The following GRK5 variants were observed in gnomAD, a reference collection of about 807,000 sequenced individuals.
The protein encoded by GRK5 is G protein-coupled receptor kinase 5, also known as g protein-coupled receptor kinase GRK5.
In GRK5, 40 loss-of-function variants were observed where a neutral mutation model predicts 78.4. The observed-to-expected ratio is 0.51, with a 90% CI of 0.40 to 0.66. The LOEUF (loss-of-function observed/expected upper bound fraction) is 0.66, where lower values mean the gene tolerates loss of function less well. GRK5 is among the 30% of genes least tolerant of loss of function. GRK5 has a pLI of 0.00. For missense variants in GRK5, 598 were observed against 759.9 expected (o/e 0.79, Z 2.50); for synonymous variants, 289 against 296.8 (o/e 0.97, Z 0.27).
chr10:119,394,315 T>TGTGTGTGTGG (rs1851968999), intron 3 of GRK5, among the ~76,000 whole-genome samples: 1 of 109,656 alleles, frequency 9.1e-6, no homozygotes, highest in Non-Finnish European at 2.0e-5. Context: ...TGTGGGCACG[T>TGTGTGTGTGG]GGGTGTGTGT....
chr10:119,263,048 T>G (rs1354790161), intron 1 of GRK5, among the ~76,000 whole-genome samples: 1 of 151,864 alleles, frequency 6.6e-6, no homozygotes, highest in African/African-American at 2.4e-5. Context: ...TGCTCTGCCA[T>G]CCAGGCTGGA....
At position 119,413,926 on chromosome 10, in the gene GRK5, G is replaced by A. The variant is rs778057369; in HGVS notation, c.340-9240G>A. 4.3e-4 allele frequency among the ~76,000 whole-genome samples: 66 copies of A among 152,208 alleles called. 1 individual carries two copies. The highest frequency in any genetic ancestry group is 5.9e-5 in the Non-Finnish European group (4 of 68,038). The stretch of plus-strand genomic sequence containing the variant: ...CGCCCAGGCCAGGCTTCCCGTAGCT[G>A]ACGCAGATCCCCTCGAGGAGGGTCA... On this transcript the variant is annotated intron_variant, in intron 4 of 15. Transcript: ENST00000392870.
At position 119,379,008 on chromosome 10, in the gene GRK5, G is replaced by A. The variant is rs1851670474; in HGVS notation, c.149-1807G>A. Among the ~76,000 whole-genome samples, 1 of 152,246 alleles carries A rather than the reference G, an allele frequency of 6.6e-6. No homozygotes were observed. The highest frequency in any genetic ancestry group is 1.5e-5 in the Non-Finnish European group (1 of 68,048). On this transcript the variant is annotated intron_variant, in intron 2 of 15. Transcript: ENST00000392870. This position sits in a 1 kb window ranked among gnomAD's most constrained non-coding sequence, Gnocchi z 4.1. ...TTGGCTGTGACTGAGTCACGTGCCT[G>A]TCTCCGTAGCATGGGAGGCGTCAGC...
chr10:119,270,195 C>G (rs1589713637), intron 1 of GRK5, among the ~76,000 whole-genome samples: 1 of 152,218 alleles, frequency 6.6e-6, no homozygotes, highest in Non-Finnish European at 1.5e-5. Flanking sequence ...TCATCACAGT[C>G]CTCTGTTCAT....
chr10:119,412,399 C>G lies in GRK5; in HGVS notation c.340-10767C>G, dbSNP rs532868496. Among the ~76,000 whole-genome samples the G allele has an allele frequency of 6.6e-6, 1 of 152,102 alleles. No individual in the cohort carries two copies. Among genetic ancestry groups the G allele is most frequent in the African/African-American group, 2.4e-5 (1 of 41,418 alleles). ...GGTGAAGAGCTGGGCGTGCTTGGGC[C>G]GAGGGCTGCTGGATGTTGGCATCAG... On this transcript the variant is annotated intron_variant, in intron 4 of 15. Transcript: ENST00000392870. This position sits in a 1 kb window ranked among gnomAD's most constrained non-coding sequence, Gnocchi z 4.3.
intron 3 of GRK5, among the ~76,000 whole-genome samples, chr10:119,392,333 C>T (rs1298390086): frequency 6.6e-6 from 1 of 152,204 alleles, no homozygotes; most frequent in East Asian, 1.9e-4. Context: ...GGAGAAGGCT[C>T]ATTCAGTGGT....
chr10:119,319,333 G>A (rs4237511), intron 1 of GRK5, among the ~76,000 whole-genome samples: 105,457 of 152,154 alleles, frequency 0.69, 38,153 homozygotes, highest in Non-Finnish European at 0.79. Context: ...CAGGGGACAC[G>A]CCATCTTGCT....
In GRK5 at chr10:119,230,249, G is replaced by A. The variant is rs188884840; in HGVS notation, c.52+22280G>A. On this transcript the variant is annotated intron_variant, in intron 1 of 15. Transcript: ENST00000392870. ...GCCTGTAATCCTAGCACTTTGGGAGGCCAAAGTGGGAGGATTACTTGAGCC... is the reference window on the plus strand; with the variant it reads ...GCCTGTAATCCTAGCACTTTGGGAGACCAAAGTGGGAGGATTACTTGAGCC... Among the ~76,000 whole-genome samples, 598 of 152,268 alleles carry A rather than the reference G, an allele frequency of 3.9e-3. 6 individuals carry two copies. Among genetic ancestry groups the A allele is most frequent in the Admixed American group, 4.3e-3 (66 of 15,286 alleles).
chr10:119,212,403 T>C lies in GRK5; in HGVS notation c.52+4434T>C, dbSNP rs1451634223. On this transcript the variant is annotated intron_variant, in intron 1 of 15. Transcript: ENST00000392870. ...ACTCTTCCAGTGCCCAAACTAATCC[T>C]TGTTTAAATTATGTCTTCAGAAGCT... is the stretch of plus-strand genomic sequence containing the variant. Among the ~76,000 whole-genome samples, 6 of 152,314 alleles carry C rather than the reference T, an allele frequency of 3.9e-5. No homozygotes were observed. The East Asian group carries it at 1.2e-3, about 29-fold the overall frequency.
At chr10:119,429,134 G>A (rs536950488) in intron 6 of GRK5, among the ~76,000 whole-genome samples, 7 of 152,300 alleles carry the variant, frequency 4.6e-5, no homozygotes, top group East Asian at 3.9e-4. Flanking sequence ...GCTCTGCTTC[G>A]GTGGGGTTTG....
chr10:119,370,816 TA>T (rs1851534017), intron 2 of GRK5, among the ~76,000 whole-genome samples: 1 of 152,216 alleles, frequency 6.6e-6, no homozygotes, highest in Middle Eastern at 3.2e-3. Context: ...GTCCATTTCC[TA>T]AATTGCATTA....
intron 1 of GRK5, among the ~76,000 whole-genome samples, chr10:119,291,603 T>TTCCTCCTCCTCCTCCTCC (rs1235503801): frequency 2.4e-4 from 21 of 87,142 alleles, no homozygotes; most frequent in Admixed American, 5.4e-4. Context: ...CCTCCTCCTC[T>TTCCTCCTCCTCCTCCTCC]TCCTCCTCCT....
chr10:119,389,573 T>C (rs1022352718), intron 3 of GRK5, among the ~76,000 whole-genome samples: 1 of 152,236 alleles, frequency 6.6e-6, no homozygotes, highest in African/African-American at 2.4e-5. Context: ...AACATGGCTG[T>C]CCTAGAAGCT....
At chr10:119,364,667 A>G (rs1851417359) in intron 2 of GRK5, among the ~76,000 whole-genome samples, 2 of 152,152 alleles carry the variant, frequency 1.3e-5, no homozygotes, top group African/African-American at 2.4e-5. Context: ...CCGGGCCCCC[A>G]TGAAGGCATC....
intron 2 of GRK5, among the ~76,000 whole-genome samples, chr10:119,377,468 C>T (rs1484894986): frequency 1.3e-5 from 2 of 152,140 alleles, no homozygotes; most frequent in Non-Finnish European, 2.9e-5. Flanking sequence ...TGTGCTTGCT[C>T]AGAAAATGAA....
chr10:119,292,370 A>G (rs1849998144), intron 1 of GRK5, among the ~76,000 whole-genome samples: 1 of 151,084 alleles, frequency 6.6e-6, no homozygotes, highest in Non-Finnish European at 1.5e-5. Context: ...TCACAAACAC[A>G]TGGTGCCTCG....
intron 2 of GRK5, among the ~76,000 whole-genome samples, chr10:119,354,920 G>A (rs1434222999): frequency 6.6e-6 from 1 of 152,034 alleles, no homozygotes; most frequent in African/African-American, 2.4e-5. Flanking sequence ...ATGGATTTTG[G>A]TATCCATCGG....
intron 1 of GRK5, among the ~76,000 whole-genome samples, chr10:119,210,018 C>A (rs964465180): frequency 2.0e-5 from 3 of 152,070 alleles, no homozygotes; most frequent in African/African-American, 7.2e-5. Flanking sequence ...GTTAGGCCAA[C>A]AAATTGGGTT....
chr10:119,263,804 T>C (rs1279824246), intron 1 of GRK5, among the ~76,000 whole-genome samples: 1 of 152,002 alleles, frequency 6.6e-6, no homozygotes, highest in Non-Finnish European at 1.5e-5. Flanking sequence ...CGGGCGCCTG[T>C]ATAGTCCCAG....
Sources: allele counts gnomAD v4.1 joint callset (sites outside exome capture counted in the v4.1 genomes callset), GRCh38; gene constraint gnomAD v4.1.1; non-coding constraint Gnocchi (gnomAD v3.1); transcripts MANE v1.5; gene names NCBI Gene and HGNC (gene_info 2026-07-23, HGNC 2026-07-21).